Variants in ST6GALNAC6 observed in about 807,000 individuals in gnomAD.
The protein encoded by ST6GALNAC6 is ST6 N-acetylgalactosaminide alpha-2,6-sialyltransferase 6.
In ST6GALNAC6, 19 loss-of-function variants were observed where a neutral mutation model predicts 34.3. That is an observed-to-expected ratio of 0.55 (90% CI 0.39 to 0.81). ST6GALNAC6 has a LOEUF of 0.81. ST6GALNAC6 is among the 40% of genes least tolerant of loss of function. ST6GALNAC6 has a pLI of 0.00. For missense variants in ST6GALNAC6, 377 were observed against 467.7 expected, an observed-to-expected ratio of 0.81 and a Z score of 1.79; for synonymous variants, 185 against 182.1, an observed-to-expected ratio of 1.02 and a Z score of -0.13.
chr9:127,897,853 G>A, intron 2 of ST6GALNAC6, 103 bp downstream of exon 2: 2 of 1,592,068 alleles, frequency 1.3e-6, no homozygotes, highest in South Asian at 1.1e-5. Context: ...CCTCAGCCAG[G>A]ACCACCGTCC....
upstream of ST6GALNAC6, chr9:127,899,643 C>T (rs1195019791): frequency 4.1e-6 from 4 of 983,564 alleles, no homozygotes; most frequent in East Asian, 1.1e-4. Context: ...GCCGCCGTCA[C>T]GGCCCGGCCC....
intron 2 of ST6GALNAC6, 105 bp from the exon 3 acceptor site, chr9:127,896,437 C>A (rs1031995480): frequency 8.2e-6 from 8 of 969,982 alleles, no homozygotes; most frequent in East Asian, 2.5e-5. Flanking sequence ...GCACCCAGAA[C>A]TTTAAGGCTC....
rs142159166 is a variant in ST6GALNAC6, at chr9:127,890,748, C to A, written c.593G>T (p.Arg198Leu). 1 of 1,613,310 alleles carries A rather than the reference C, an allele frequency of 6.2e-7. No homozygotes were observed. Among genetic ancestry groups the A allele is most frequent in the South Asian group, 1.1e-5 (1 of 91,054 alleles). The change falls in exon 5 of 7, where the codon CGT becomes CTT. Residue 198 changes from arginine (R) to leucine (L), a missense_variant. Physicochemically the swap from Arg to Leu is moderately radical, Grantham distance 102 (BLOSUM62 -2). Transcript: ENST00000373146. This position sits in a 1 kb window ranked among gnomAD's most constrained non-coding sequence, Gnocchi z 4.3. ...KMQKPQGSLVRVIQRAGLVFP... is the reference protein window; with the variant it reads ...KMQKPQGSLVLVIQRAGLVFP... The stretch of plus-strand genomic sequence containing the variant: ...CACCAGGCCCGCTCGCTGGATCACA[C>A]GCACGAGGCTGCCCTGGGGCTTCTG...
rs1358742349 is a variant in ST6GALNAC6, at chr9:127,897,986, C to G, written c.-5G>C. On this transcript the variant is annotated 5_prime_UTR_variant, in exon 2 of 7. Coordinates refer to ENST00000373146, the MANE Select transcript of ST6GALNAC6 (RefSeq NM_013443.5). ...GGGGGGCCTCGAGCAAGCCATGTGACCTCTCTGAGCCTCAGTTTCCTCATC... is the reference window on the plus strand; with the variant it reads ...GGGGGGCCTCGAGCAAGCCATGTGAGCTCTCTGAGCCTCAGTTTCCTCATC... 6.6e-7 allele frequency: 1 copy of G among 1,519,172 alleles called. No individual in the cohort carries two copies. The highest frequency in any genetic ancestry group is 9.1e-7 in the Non-Finnish European group (1 of 1,099,058). 94.1% of individuals were successfully genotyped at this position (1,519,172 alleles called of 1,614,324 possible).
At position 127,890,539 on chromosome 9, in the gene ST6GALNAC6, C is replaced by A; in HGVS notation, c.704+98G>T. The A allele has an allele frequency of 6.4e-7, 1 of 1,558,114 alleles. No homozygotes were observed. Among genetic ancestry groups the A allele is most frequent in the South Asian group, 1.2e-5 (1 of 84,746 alleles). On this transcript the variant is annotated intron_variant, in intron 5 of 6. Transcript: ENST00000373146. This position sits in a 1 kb window ranked among gnomAD's most constrained non-coding sequence, Gnocchi z 4.3. ...AGAGGACGGCGGGACTTGACTACCCCTCAGAGCAGTGCATGCTGGGAGCAA... is the reference window on the plus strand; with the variant it reads ...AGAGGACGGCGGGACTTGACTACCCATCAGAGCAGTGCATGCTGGGAGCAA...
intron 2 of ST6GALNAC6, among the ~76,000 whole-genome samples, chr9:127,897,633 C>T (rs551830756): frequency 6.6e-6 from 1 of 152,182 alleles, no homozygotes; most frequent in Admixed American, 6.5e-5. Flanking sequence ...GGGGCCTCAT[C>T]AGAAGCAGGG....
At chr9:127,889,595 C>T (rs1343342296) in intron 5 of ST6GALNAC6, among the ~76,000 whole-genome samples, 2 of 151,820 alleles carry the variant, frequency 1.3e-5, no homozygotes, top group African/African-American at 2.4e-5. Flanking sequence ...AGGTGCGCAC[C>T]ACCACGCCCA....
At chr9:127,900,991 C>CAAAAAAAAA (rs56673204), upstream of ST6GALNAC6, among the ~76,000 whole-genome samples, 74 of 61,004 alleles carry the variant, frequency 1.2e-3, 1 homozygote, top group African/African-American at 4.4e-3. Context: ...AACTCCCTAT[C>CAAAAAAAAA]AAAAAAAAAA....
At chr9:127,900,560 CAAAAAA>C (rs71380101), upstream of ST6GALNAC6, among the ~76,000 whole-genome samples, 5 of 44,170 alleles carry the variant, frequency 1.1e-4, no homozygotes, top group Admixed American at 3.7e-4. Flanking sequence ...AACTCCGTCT[CAAAAAA>C]AAAAAAAAAA....
In ST6GALNAC6 at chr9:127,890,791, C is replaced by T. The variant is rs781547909; in HGVS notation, c.550G>A (p.Gly184Arg). 2 of 1,612,724 alleles carry T rather than the reference C, an allele frequency of 1.2e-6. No homozygotes were observed. Among genetic ancestry groups the T allele is most frequent in the Non-Finnish European group, 1.7e-6 (2 of 1,178,786 alleles). ...RTPETVFIFWGPPSKMQKPQG... is the reference protein window; with the variant it reads ...RTPETVFIFWRPPSKMQKPQG... Reference sequence around the variant, plus strand: ...GGCTTCTGCATCTTGCTCGGGGGCCCCCAGAAGATGAACACGGTTTCAGGG... The same window carrying T: ...GGCTTCTGCATCTTGCTCGGGGGCCTCCAGAAGATGAACACGGTTTCAGGG... The change falls in exon 5 of 7, where the codon GGG (glycine) becomes AGG (arginine). Residue 184 changes from glycine to arginine, a missense_variant. Coordinates refer to ENST00000373146, the MANE Select transcript of ST6GALNAC6 (RefSeq NM_013443.5). This position sits in a 1 kb window ranked among gnomAD's most constrained non-coding sequence, Gnocchi z 4.3.
At chr9:127,904,796 C>G (rs529046385) in intron 1 of ST6GALNAC6, 5 of 152,486 alleles carry the variant, frequency 3.3e-5, no homozygotes, top group Admixed American at 3.3e-4. Flanking sequence ...GGGTCTGGAA[C>G]GAGGAAGTAC....
upstream of ST6GALNAC6, among the ~76,000 whole-genome samples, chr9:127,900,691 G>A (rs1830720119): frequency 6.6e-6 from 1 of 151,644 alleles, no homozygotes; most frequent in South Asian, 2.1e-4. Context: ...AGGCCCAGTG[G>A]CTGTAATCCC....
At chr9:127,905,989 G>A, upstream of ST6GALNAC6, 3 of 985,678 alleles carry the variant, frequency 3.0e-6, no homozygotes, top group Non-Finnish European at 2.4e-6. Flanking sequence ...TCCGCTGCCA[G>A]CCTGCTCCTT....
In ST6GALNAC6 at chr9:127,890,733, G is replaced by C; in HGVS notation, c.608C>G (p.Ala203Gly). ...QGSLVRVIQR[A>G]GLVFPNMEAY... ...TTCCATGTTGGGGAACACCAGGCCC[G>C]CTCGCTGGATCACACGCACGAGGCT... is the stretch of plus-strand genomic sequence containing the variant. Residue 203 changes from alanine (A) to glycine (G), a missense_variant, in exon 5 of 7, where the codon GCG (alanine) becomes GGG (glycine). Ala to Gly is a moderately conservative substitution (Grantham distance 60). Coordinates refer to ENST00000373146, the MANE Select transcript of ST6GALNAC6 (RefSeq NM_013443.5). The surrounding 1 kb of genome is among the most constrained non-coding windows in gnomAD (Gnocchi z 4.3). The C allele has an allele frequency of 6.2e-7, 1 of 1,613,652 alleles. No homozygotes were observed. The highest frequency in any genetic ancestry group is 8.5e-7 in the Non-Finnish European group (1 of 1,179,814).
upstream of ST6GALNAC6, chr9:127,905,369 C>T (rs1170655178): frequency 1.0e-6 from 1 of 985,484 alleles, no homozygotes; most frequent in Non-Finnish European, 1.2e-6. Context: ...AGGTCACCAC[C>T]CCCAGAAAGA....
rs3780669 is a variant in ST6GALNAC6 at position 127,895,741 on chromosome 9, C to T, written c.117+501G>A. ...CAACCACCCCATCCCACTTCCAAACCTCAGGCTCCACCAAGGCTGCAGTGG... is the reference window on the plus strand; with the variant it reads ...CAACCACCCCATCCCACTTCCAAACTTCAGGCTCCACCAAGGCTGCAGTGG... On this transcript the variant is annotated intron_variant, in intron 3 of 6. Transcript: ENST00000373146. 2.0e-5 allele frequency among the ~76,000 whole-genome samples: 3 copies of T among 152,170 alleles called. No homozygotes were observed. In the East Asian group the frequency reaches 5.8e-4, roughly 29 times the overall value.
At chr9:127,897,523 G>C (rs1426384522) in intron 2 of ST6GALNAC6, 6 of 801,764 alleles carry the variant, frequency 7.5e-6, no homozygotes, top group Non-Finnish European at 9.0e-6. Flanking sequence ...CCCCTCATCC[G>C]GAGCTCGGCT....
intron 2 of ST6GALNAC6, among the ~76,000 whole-genome samples, 162 bp from the exon 3 acceptor site, chr9:127,896,494 C>T (rs890330231): frequency 1.3e-5 from 2 of 152,206 alleles, no homozygotes; most frequent in African/African-American, 4.8e-5. Context: ...GCCAGAAAGG[C>T]CAGGAATCTG....
chr9:127,894,697 G>A lies in ST6GALNAC6; in HGVS notation c.118-6C>T. The A allele has an allele frequency of 1.9e-6, 3 of 1,612,458 alleles. No individual in the cohort carries two copies. The highest frequency in any genetic ancestry group is 2.2e-5 in the South Asian group (2 of 91,010). Reference sequence around the variant, plus strand: ...AACACTGCTGACCGCTGCTCCTGGAGAGAGGAGAGGTCAGTGAGGGCCCAG... The same window carrying A: ...AACACTGCTGACCGCTGCTCCTGGAAAGAGGAGAGGTCAGTGAGGGCCCAG... On this transcript the variant is annotated splice_polypyrimidine_tract_variant and splice_region_variant and intron_variant, in intron 3 of 6. Transcript: ENST00000373146.
Sources: gnomAD v4.1 joint callset for allele counts (sites outside exome capture counted in the v4.1 genomes callset) on GRCh38, gnomAD v4.1.1 for gene constraint, Gnocchi (gnomAD v3.1) non-coding constraint, MANE v1.5 for transcripts, NCBI Gene and HGNC (gene_info 2026-07-23, HGNC 2026-07-21) for gene names.